The following LRRC37A2 variants were observed in gnomAD, a reference collection of about 807,000 sequenced individuals.
LRRC37A2 encodes the protein leucine-rich repeat-containing protein 37A2.
In LRRC37A2, 9 loss-of-function variants were observed where a neutral mutation model predicts 68.8. The observed-to-expected ratio is 0.13, with a 90% CI of 0.08 to 0.23. The LOEUF is 0.23. Ranked by LOEUF, LRRC37A2 falls within the 10% of genes least tolerant of loss-of-function variation. LRRC37A2 has a pLI of 1.00. For synonymous variants in LRRC37A2, 63 were observed against 367.6 expected, an observed-to-expected ratio of 0.17 and a Z score of 9.48; for missense variants, 168 against 950.4, an observed-to-expected ratio of 0.18 and a Z score of 10.82.
chr17:46,910,695 T>C, the LRRC37A2 span, among the ~76,000 whole-genome samples: 1 of 151,680 alleles, frequency 6.6e-6, no homozygotes, highest in Non-Finnish European at 1.5e-5. Flanking sequence ...ACAGGCTGAG[T>C]GGTCGGGAAG....
the LRRC37A2 span, among the ~76,000 whole-genome samples, chr17:46,985,587 G>C: frequency 6.6e-6 from 1 of 152,064 alleles, no homozygotes; most frequent in African/African-American, 2.4e-5. Context: ...GTAGCAGACA[G>C]GGAGCAGTGC....
At chr17:46,418,211 G>GTT in the LRRC37A2 span, among the ~76,000 whole-genome samples, 61 of 33,508 alleles carry the variant, frequency 1.8e-3, 2 homozygotes, top group Non-Finnish European at 8.4e-3. Flanking sequence ...GTGTGTGTGT[G>GTT]TGTTTGTGTG....
chr17:46,548,930 C>T (rs1431039661), exon 10 of LRRC37A2: 1 of 1,612,498 alleles, frequency 6.2e-7, no homozygotes, highest in Non-Finnish European at 8.5e-7. Flanking sequence ...CCTGCAAAAG[C>T]CCTACCACAG....
At chr17:46,466,688 G>C in the LRRC37A2 span, among the ~76,000 whole-genome samples, 1 of 90,706 alleles carries the variant, frequency 1.1e-5, no homozygotes, top group Non-Finnish European at 2.3e-5. Context: ...ATGGGCATTT[G>C]GGTTGGTTCC....
intron 8 of LRRC37A2, among the ~76,000 whole-genome samples, chr17:46,543,971 G>C (rs897711481): frequency 7.4e-6 from 1 of 135,598 alleles, no homozygotes; most frequent in Non-Finnish European, 1.5e-5. Context: ...ACAAAAATTA[G>C]CCAGGTGTGG....
At chr17:46,966,554 G>T in the LRRC37A2 span, 1 of 695,686 alleles carries the variant, frequency 1.4e-6, no homozygotes. Flanking sequence ...TCACCATGTT[G>T]CCCAGAATGG....
chr17:46,777,399 T>C, the LRRC37A2 span, among the ~76,000 whole-genome samples: 1 of 152,156 alleles, frequency 6.6e-6, no homozygotes, highest in African/African-American at 2.4e-5. Flanking sequence ...GTTTCACCAG[T>C]TACCTCCCTC....
the LRRC37A2 span, among the ~76,000 whole-genome samples, chr17:46,977,510 C>T: frequency 6.6e-6 from 1 of 152,256 alleles, no homozygotes; most frequent in Non-Finnish European, 1.5e-5. Flanking sequence ...CTCCACACTG[C>T]TGCAAGGGAA....
the LRRC37A2 span, among the ~76,000 whole-genome samples, chr17:46,918,231 C>T: frequency 6.6e-6 from 1 of 152,196 alleles, no homozygotes; most frequent in African/African-American, 2.4e-5. Context: ...AGGCACGTGC[C>T]ACCATGCCCA....
the LRRC37A2 span, chr17:46,885,174 T>C: frequency 3.0e-6 from 1 of 336,852 alleles, no homozygotes. Flanking sequence ...TTTTGGCTAA[T>C]TTTGTATTTT....
chr17:46,946,127 G>A, the LRRC37A2 span, among the ~76,000 whole-genome samples: 1 of 151,944 alleles, frequency 6.6e-6, no homozygotes, highest in Non-Finnish European at 1.5e-5. Context: ...CTCACTTGGA[G>A]GAAACCACAT....
the LRRC37A2 span, among the ~76,000 whole-genome samples, chr17:46,866,416 A>C: frequency 1.3e-5 from 2 of 151,550 alleles, no homozygotes; most frequent in African/African-American, 4.8e-5. Flanking sequence ...GCATGAGTGT[A>C]TGTGCGAGTA....
chr17:46,855,754 A>G, the LRRC37A2 span, among the ~76,000 whole-genome samples: 13 of 152,184 alleles, frequency 8.5e-5, no homozygotes, highest in African/African-American at 2.9e-4. Context: ...GCTAGAGTGC[A>G]ATGGTGTGAT....
chr17:46,836,134 GTC>G, the LRRC37A2 span, among the ~76,000 whole-genome samples: 1 of 149,644 alleles, frequency 6.7e-6, no homozygotes, highest in African/African-American at 2.5e-5. Flanking sequence ...GTGTGTGTGT[GTC>G]TCGGTTGTGG....
At chr17:46,891,784 A>AG in the LRRC37A2 span, among the ~76,000 whole-genome samples, 1 of 152,174 alleles carries the variant, frequency 6.6e-6, no homozygotes, top group Non-Finnish European at 1.5e-5. Context: ...TCCCCTCTGC[A>AG]GGGGCTTCAG....
the LRRC37A2 span, among the ~76,000 whole-genome samples, chr17:46,817,511 C>T: frequency 4.6e-5 from 7 of 152,246 alleles, no homozygotes; most frequent in African/African-American, 1.7e-4. Flanking sequence ...TCCCCTCTGG[C>T]CCCTGGGACC....
chr17:46,988,727 G>GT, the LRRC37A2 span, among the ~76,000 whole-genome samples: 1 of 152,176 alleles, frequency 6.6e-6, no homozygotes, highest in Non-Finnish European at 1.5e-5. Flanking sequence ...CAGGCAGACA[G>GT]TTGGAGGCAT....
At chr17:46,734,197 AAG>A in the LRRC37A2 span, among the ~76,000 whole-genome samples, 7 of 152,202 alleles carry the variant, frequency 4.6e-5, no homozygotes, top group Admixed American at 6.5e-5. Flanking sequence ...CAGATAATGG[AAG>A]AGACTCCAAA....
chr17:46,980,797 C>T, the LRRC37A2 span, among the ~76,000 whole-genome samples: 1 of 151,760 alleles, frequency 6.6e-6, no homozygotes, highest in Non-Finnish European at 1.5e-5. Flanking sequence ...CACGCCACTG[C>T]ACTCCAGCCT....
Sources: allele counts gnomAD v4.1 joint callset (sites outside exome capture counted in the v4.1 genomes callset), GRCh38; gene constraint gnomAD v4.1.1; transcripts MANE v1.5; gene names NCBI Gene and HGNC (gene_info 2026-07-23, HGNC 2026-07-21).